The following DLGAP1 variants were observed in gnomAD, a reference collection of about 807,000 sequenced individuals.
DLGAP1 encodes DLG associated protein 1.
DLGAP1 carries 11 observed loss-of-function variants against 90.8 expected under a neutral mutation model. The observed-to-expected ratio is 0.12, with a 90% confidence interval of 0.08 to 0.20. The LOEUF is 0.20. Ranked by LOEUF, DLGAP1 falls within the 10% of genes least tolerant of loss-of-function variation. The pLI, the probability that DLGAP1 is intolerant of heterozygous loss-of-function variation, is 1.00. For missense variants in DLGAP1, 1,050 were observed against 1,333.8 expected (o/e 0.79, Z 3.31); for synonymous variants, 558 against 540.7 (o/e 1.03, Z -0.44).
intron 2 of DLGAP1, among the ~76,000 whole-genome samples, chr18:4,090,588 G>C (rs9946127): frequency 0.34 from 51,761 of 152,036 alleles, 9,109 homozygotes; most frequent in African/African-American, 0.41. Context: ...AAAAAGTCAA[G>C]AAACAATAGA....
intron 9 of DLGAP1, among the ~76,000 whole-genome samples, chr18:3,536,118 C>A (rs1599112204): frequency 6.6e-6 from 1 of 152,158 alleles, no homozygotes; most frequent in East Asian, 1.9e-4. Flanking sequence ...TTTCCAGGGG[C>A]AACTCTTACC....
At chr18:4,253,320 T>A (rs1404226490) in intron 1 of DLGAP1, among the ~76,000 whole-genome samples, 1 of 152,120 alleles carries the variant, frequency 6.6e-6, no homozygotes, top group Non-Finnish European at 1.5e-5. Context: ...ACCCAAAAGA[T>A]AAGTTTCAGT....
Position 4,099,341 on chromosome 18 carries a change from ATCTATCTG to A in DLGAP1, c.-159+51831_-159+51838del, listed in dbSNP as rs1160654574. Reference sequence around the variant, plus strand: ...TATCTATCTATCTATCTATCTATCTATCTATCTGTCTGTCTGTCTATCTTTTTACAGGC... The same window carrying A: ...TATCTATCTATCTATCTATCTATCTATCTGTCTGTCTATCTTTTTACAGGC... On this transcript the variant is annotated intron_variant, in intron 2 of 12. Transcript: ENST00000315677. 7.1e-3 allele frequency among the ~76,000 whole-genome samples: 517 copies of A among 72,532 alleles called. 7 individuals are homozygous for A. The highest frequency in any genetic ancestry group is 6.9e-3 in the Non-Finnish European group (253 of 36,460). 47.6% of individuals were successfully genotyped at this position (72,532 alleles called of 152,430 possible).
chr18:4,335,131 A>C (rs2081041437), intron 1 of DLGAP1, among the ~76,000 whole-genome samples: 1 of 152,020 alleles, frequency 6.6e-6, no homozygotes. Flanking sequence ...AATTCATCCA[A>C]TTAAAAAACA....
intron 2 of DLGAP1, among the ~76,000 whole-genome samples, chr18:4,147,292 G>A (rs538556237): frequency 2.9e-4 from 44 of 152,050 alleles, no homozygotes; most frequent in South Asian, 2.1e-4. Flanking sequence ...ACATTTCCCC[G>A]GTTGTACTCA....
intron 1 of DLGAP1, among the ~76,000 whole-genome samples, chr18:4,316,213 A>G (rs918602308): frequency 1.1e-4 from 17 of 152,222 alleles, no homozygotes; most frequent in African/African-American, 4.1e-4. Flanking sequence ...GCTAATGCCT[A>G]TTGATCCGTG....
At chr18:4,417,825 G>A (rs1181166439) in intron 1 of DLGAP1, among the ~76,000 whole-genome samples, 3 of 152,266 alleles carry the variant, frequency 2.0e-5, no homozygotes, top group South Asian at 2.1e-4. Flanking sequence ...CTTCAATATC[G>A]AGGGATACAC....
chr18:4,038,342 A>G (rs563594316), intron 2 of DLGAP1, among the ~76,000 whole-genome samples: 2 of 152,296 alleles, frequency 1.3e-5, no homozygotes, highest in Admixed American at 1.3e-4. Context: ...AGATAAACAC[A>G]CACTCTTGAA....
chr18:3,699,720 G>C (rs1358428516), intron 7 of DLGAP1, among the ~76,000 whole-genome samples: 1 of 152,222 alleles, frequency 6.6e-6, no homozygotes, highest in Non-Finnish European at 1.5e-5. Flanking sequence ...GTTTAAGCCT[G>C]CTGAAGCTGT....
At chr18:4,083,713 G>A (rs1044437267) in intron 2 of DLGAP1, among the ~76,000 whole-genome samples, 1 of 152,018 alleles carries the variant, frequency 6.6e-6, no homozygotes, top group Non-Finnish European at 1.5e-5. Flanking sequence ...TGCTTCTTTC[G>A]TGCCCTAGAG....
chr18:4,301,214 A>G (rs1182912644), intron 1 of DLGAP1, among the ~76,000 whole-genome samples: 1 of 152,134 alleles, frequency 6.6e-6, no homozygotes, highest in East Asian at 1.9e-4. Context: ...TATGCAATAA[A>G]TCTCAAAAGA....
At chr18:4,215,321 G>T (rs2144920605) in intron 1 of DLGAP1, among the ~76,000 whole-genome samples, 1 of 152,210 alleles carries the variant, frequency 6.6e-6, no homozygotes, top group East Asian at 1.9e-4. Flanking sequence ...ATTTTATGCA[G>T]CACTTATGTT....
chr18:4,237,348 G>A (rs1034779955), intron 1 of DLGAP1, among the ~76,000 whole-genome samples: 8 of 152,084 alleles, frequency 5.3e-5, no homozygotes, highest in Admixed American at 1.3e-4. Context: ...TCCAGTGGGC[G>A]CAGTCTTGGT....
chr18:3,506,427 C>T (rs1009752689), intron 11 of DLGAP1, among the ~76,000 whole-genome samples: 1 of 150,482 alleles, frequency 6.6e-6, no homozygotes, highest in African/African-American at 2.5e-5. Context: ...GCAGGAGAAC[C>T]TCTTGAACCC....
intron 3 of DLGAP1, among the ~76,000 whole-genome samples, chr18:3,947,155 G>T (rs1309366745): frequency 6.6e-6 from 1 of 152,100 alleles, no homozygotes; most frequent in African/African-American, 2.4e-5. Context: ...ACACACATTG[G>T]GTTGGGTATA....
chr18:3,845,636 T>C (rs773364776), intron 4 of DLGAP1: 13 of 983,784 alleles, frequency 1.3e-5, no homozygotes, highest in Non-Finnish European at 1.4e-5. Flanking sequence ...TTCTGGGCTA[T>C]TGATCACTTT....
intron 1 of DLGAP1, among the ~76,000 whole-genome samples, chr18:4,165,909 C>A (rs1469395746): frequency 2.0e-5 from 3 of 152,136 alleles, no homozygotes; most frequent in Non-Finnish European, 4.4e-5. Flanking sequence ...GTAATCTTAA[C>A]ACTTTGGGAG....
intron 7 of DLGAP1, among the ~76,000 whole-genome samples, chr18:3,712,782 T>C (rs1035648539): frequency 1.3e-5 from 2 of 152,204 alleles, no homozygotes; most frequent in Non-Finnish European, 2.9e-5. Context: ...TTAGTTAAAG[T>C]GCTTAAGTTA....
intron 4 of DLGAP1, among the ~76,000 whole-genome samples, chr18:3,842,597 CCACT>C (rs1302024845): frequency 1.4e-5 from 2 of 145,082 alleles, no homozygotes; most frequent in African/African-American, 5.1e-5. Context: ...TTTTTTTTTT[CCACT>C]CATTCATTCA....
Sources: gnomAD v4.1 joint callset for allele counts (sites outside exome capture counted in the v4.1 genomes callset) on GRCh38, gnomAD v4.1.1 for gene constraint, MANE v1.5 for transcripts, NCBI Gene and HGNC (gene_info 2026-07-23, HGNC 2026-07-21) for gene names.